ZNF624: variants seen among roughly 807,000 people sequenced by gnomAD.
ZNF624 encodes the protein zinc finger protein 624.
A neutral mutation model predicts 74.7 loss-of-function variants in ZNF624; 43 were observed. The observed-to-expected ratio is 0.58, with a 90% CI of 0.45 to 0.74. The LOEUF is 0.74. Ranked by LOEUF, ZNF624 falls within the 30% of genes least tolerant of loss-of-function variation. ZNF624 has a pLI of 0.00. For synonymous variants in ZNF624, 331 were observed against 341.3 expected, an observed-to-expected ratio of 0.97 and a Z score of 0.33; for missense variants, 820 against 1,030.0, an observed-to-expected ratio of 0.80 and a Z score of 2.79.
rs759933008 is a variant in ZNF624, at chr17:16,622,340, G to C, written c.2546C>G (p.Ser849Trp). 6 of 1,610,058 alleles carry C rather than the reference G, an allele frequency of 3.7e-6. No individual in the cohort carries two copies. The highest frequency in any genetic ancestry group is 3.3e-4 in the Middle Eastern group (2 of 6,056). The change falls in exon 6 of 6, where the codon TCG becomes TGG. Residue 849 changes from serine to tryptophan, a missense_variant. Ser to Trp is a radical substitution (Grantham distance 177). Transcript: ENST00000311331. Reference sequence around the variant, plus strand: ...TATTCTTTGATGTACAGTAAGGCTCGAACTACTCCTGAAGGCTTTTCCACA... The same window carrying C: ...TATTCTTTGATGTACAGTAAGGCTCCAACTACTCCTGAAGGCTTTTCCACA... The part of the protein sequence containing the change: ...NECGKAFRSS[S>W]SLTVHQRIHQ...
At chr17:16,624,560 A>C (rs1179846049) in intron 5 of ZNF624, 51 bp from the exon 6 acceptor site, 2 of 1,458,704 alleles carry the variant, frequency 1.4e-6, no homozygotes, top group Non-Finnish European at 1.8e-6. Flanking sequence ...AGCTGGGGCA[A>C]TCTCACTAAA....
chr17:16,643,305 T>C (rs192748500), intron 3 of ZNF624, among the ~76,000 whole-genome samples: 156 of 152,328 alleles, frequency 1.0e-3, no homozygotes, highest in African/African-American at 3.6e-3. Context: ...ATAAGTGATA[T>C]GGATAAGCTA....
At chr17:16,619,131 G>C (rs957522187), downstream of ZNF624, among the ~76,000 whole-genome samples, 2 of 152,174 alleles carry the variant, frequency 1.3e-5, no homozygotes, top group Non-Finnish European at 2.9e-5. Flanking sequence ...ACAAGGGAGA[G>C]AGAGGAAGAT....
At chr17:16,625,632 CAACA>C (rs1365738239) in intron 5 of ZNF624, among the ~76,000 whole-genome samples, 2 of 152,048 alleles carry the variant, frequency 1.3e-5, no homozygotes, top group African/African-American at 2.4e-5. Flanking sequence ...AAGAACTGAA[CAACA>C]AACTAGTCAA....
At chr17:16,636,889 G>A (rs902233267) in intron 3 of ZNF624, among the ~76,000 whole-genome samples, 2 of 152,086 alleles carry the variant, frequency 1.3e-5, no homozygotes, top group East Asian at 3.8e-4. Flanking sequence ...TAGGAGTGGT[G>A]AGAGAGGGCA....
At chr17:16,653,735 C>T (rs1029431107) in intron 1 of ZNF624, 29 bp downstream of exon 1, 2 of 152,880 alleles carry the variant, frequency 1.3e-5, no homozygotes, top group African/African-American at 4.8e-5. Flanking sequence ...GGCGGGCAAC[C>T]GAGGCCAGGC....
Position 16,622,732 on chromosome 17 carries a change from A to G in ZNF624, c.2154T>C (p.His718=). The change falls in exon 6 of 6, where the codon CAT becomes CAC. Residue 718 remains histidine, a synonymous_variant. Coordinates refer to ENST00000311331, the MANE Select transcript of ZNF624 (RefSeq NM_020787.4). The part of the protein sequence containing the change: ...NSGFNTHQRT[H]TGEKPFKCND... ...TACATTTAAATGGTTTCTCTCCAGT[A>G]TGTGTTCTTTGATGTGTATTAAAGC... 1.2e-6 allele frequency: 2 copies of G among 1,613,622 alleles called. No homozygotes were observed. Among genetic ancestry groups the G allele is most frequent in the Non-Finnish European group, 1.7e-6 (2 of 1,179,922 alleles).
At chr17:16,646,450 A>G (rs906481623) in intron 3 of ZNF624, among the ~76,000 whole-genome samples, 10 of 152,260 alleles carry the variant, frequency 6.6e-5, no homozygotes, top group Non-Finnish European at 1.3e-4. Flanking sequence ...ATTTTAAAAA[A>G]CTTAAAAACA....
intron 5 of ZNF624, among the ~76,000 whole-genome samples, chr17:16,629,076 T>C (rs1158069724): frequency 6.6e-6 from 1 of 151,470 alleles, no homozygotes; most frequent in Non-Finnish European, 1.5e-5. Flanking sequence ...CAGGTGCCTG[T>C]AGTCGCAGCT....
downstream of ZNF624, chr17:16,617,239 C>G: frequency 1.2e-6 from 2 of 1,612,856 alleles, no homozygotes; most frequent in Non-Finnish European, 1.7e-6. Flanking sequence ...ACTTCCAGAT[C>G]TACTGCGGCT....
downstream of ZNF624, chr17:16,616,864 G>C (rs1326778392): frequency 2.2e-6 from 3 of 1,337,256 alleles, no homozygotes; most frequent in African/African-American, 1.5e-5. Flanking sequence ...CCTGGAACTC[G>C]ACCTGGACCT....
intron 3 of ZNF624, among the ~76,000 whole-genome samples, chr17:16,637,174 G>A (rs550722393): frequency 5.3e-4 from 81 of 152,232 alleles, no homozygotes; most frequent in African/African-American, 1.4e-3. Flanking sequence ...GGGATGTGAA[G>A]GACCTCTTCA....
At chr17:16,629,603 T>C (rs1428887986) in intron 5 of ZNF624, among the ~76,000 whole-genome samples, 1 of 152,214 alleles carries the variant, frequency 6.6e-6, no homozygotes, top group East Asian at 1.9e-4. Context: ...AGTCTCACTC[T>C]GTTACCCAGG....
chr17:16,637,520 T>C (rs991925348), intron 3 of ZNF624, among the ~76,000 whole-genome samples: 4 of 152,058 alleles, frequency 2.6e-5, no homozygotes, highest in African/African-American at 9.7e-5. Context: ...AAAACAGAGA[T>C]ATAGATCAAT....
At chr17:16,616,303 T>G (rs184735893), downstream of ZNF624, among the ~76,000 whole-genome samples, 1,182 of 152,212 alleles carry the variant, frequency 7.8e-3, 16 homozygotes, top group Non-Finnish European at 9.1e-3. Context: ...TTACGTTGTT[T>G]CCACAAATGG....
Position 16,622,321 on chromosome 17 carries a change from T to C in ZNF624, c.2565A>G (p.Gln855=). The C allele has an allele frequency of 1.3e-6, 2 of 1,593,248 alleles. No homozygotes were observed. Among genetic ancestry groups the C allele is most frequent in the African/African-American group, 1.4e-5 (1 of 73,882 alleles). The change falls in exon 6 of 6, where the codon CAA becomes CAG. Residue 855 remains glutamine (Q), a synonymous_variant. Coordinates refer to ENST00000311331, the MANE Select transcript of ZNF624 (RefSeq NM_020787.4). ...FRSSSSLTVH[Q]RIHQRETQLI Reference sequence around the variant, plus strand: ...ACTGAGTTTCTCTTTGATGTATTCTTTGATGTACAGTAAGGCTCGAACTAC... The same window carrying C: ...ACTGAGTTTCTCTTTGATGTATTCTCTGATGTACAGTAAGGCTCGAACTAC...
Position 16,623,573 on chromosome 17 carries a change from T to G in ZNF624, c.1313A>C (p.His438Pro). ...KSYLSVHQKT[H>P]TEEKPYQCNE... is the part of the protein sequence containing the mutation. Reference sequence around the variant, plus strand: ...GCACTGATATGGTTTCTCTTCAGTGTGGGTCTTCTGATGTACACTAAGATA... The same window carrying G: ...GCACTGATATGGTTTCTCTTCAGTGGGGGTCTTCTGATGTACACTAAGATA... The change falls in exon 6 of 6, where the codon CAC (histidine) becomes CCC (proline). Residue 438 changes from histidine (H) to proline (P), a missense_variant. Coordinates refer to ENST00000311331, the MANE Select transcript of ZNF624 (RefSeq NM_020787.4). This position sits in a 1 kb window ranked among gnomAD's most constrained non-coding sequence, Gnocchi z 5.3. 6.2e-7 allele frequency: 1 copy of G among 1,611,060 alleles called. No individual in the cohort carries two copies. The highest frequency in any genetic ancestry group is 8.5e-7 in the Non-Finnish European group (1 of 1,179,072).
At chr17:16,646,572 A>T (rs1180851739) in intron 3 of ZNF624, among the ~76,000 whole-genome samples, 1 of 152,258 alleles carries the variant, frequency 6.6e-6, no homozygotes, top group Non-Finnish European at 1.5e-5. Flanking sequence ...ACCGATGTAC[A>T]GATAGTGGAA....
rs1230554877 is a variant in ZNF624 at position 16,634,426 on chromosome 17, G to A, written c.280+204C>T. On this transcript the variant is annotated intron_variant, in intron 4 of 5. Coordinates refer to ENST00000311331, the MANE Select transcript of ZNF624 (RefSeq NM_020787.4). ...ACTTTGGTCCAAAATCTGTGGGGTT[G>A]TCAACAATCTCCAAGATTCCAGTGA... Among the ~76,000 whole-genome samples, 4 of 152,202 alleles carry A rather than the reference G, an allele frequency of 2.6e-5. No individual in the cohort carries two copies. The East Asian group carries it at 5.8e-4, about 22-fold the overall frequency.
Sources: allele counts gnomAD v4.1 joint callset (sites outside exome capture counted in the v4.1 genomes callset), GRCh38; gene constraint gnomAD v4.1.1; non-coding constraint Gnocchi (gnomAD v3.1); transcripts MANE v1.5; gene names NCBI Gene and HGNC (gene_info 2026-07-23, HGNC 2026-07-21).